Variants in TXNRD2 observed in about 807,000 individuals in gnomAD.
TXNRD2 encodes the protein thioredoxin reductase 2, mitochondrial.
In TXNRD2, 67 loss-of-function variants were observed where a neutral mutation model predicts 70.8. The observed-to-expected ratio is 0.95, with a 90% CI of 0.78 to 1.16. The LOEUF is 1.16. TXNRD2 is among the 50% of genes most tolerant of loss of function. The probability of loss-of-function intolerance (pLI) is 0.00; values close to 1 mark genes in which losing one functional copy is unlikely to be tolerated. For synonymous variants in TXNRD2, 301 were observed against 295.8 expected, an observed-to-expected ratio of 1.02 and a Z score of -0.18; for missense variants, 644 against 719.9, an observed-to-expected ratio of 0.89 and a Z score of 1.21.
chr22:19,892,075 C>A (rs79062175), intron 11 of TXNRD2, among the ~76,000 whole-genome samples: 4 of 152,232 alleles, frequency 2.6e-5, no homozygotes, highest in African/African-American at 2.4e-5. Flanking sequence ...AGGCATCCCC[C>A]CTTCCTGTCG....
chr22:19,935,228 T>TG (rs1417100615), intron 1 of TXNRD2, among the ~76,000 whole-genome samples: 4 of 152,090 alleles, frequency 2.6e-5, no homozygotes, highest in African/African-American at 9.7e-5. Flanking sequence ...AATGCATTCC[T>TG]GGGGGGAGGT....
At chr22:19,939,075 T>C (rs959522502) in intron 1 of TXNRD2, among the ~76,000 whole-genome samples, 12 of 152,200 alleles carry the variant, frequency 7.9e-5, no homozygotes, top group African/African-American at 2.9e-4. Context: ...GAGGGTATGC[T>C]TGTGTTTTAC....
intron 2 of TXNRD2, among the ~76,000 whole-genome samples, chr22:19,920,789 G>GT (rs1394005249): frequency 6.6e-6 from 1 of 152,182 alleles, no homozygotes; most frequent in Admixed American, 6.5e-5. Flanking sequence ...ACAAAGTTTT[G>GT]TAAGAGTTCA....
intron 4 of TXNRD2, among the ~76,000 whole-genome samples, 191 bp from the exon 5 acceptor site, chr22:19,918,408 T>C (rs1569101623): frequency 1.3e-5 from 2 of 152,212 alleles, no homozygotes; most frequent in African/African-American, 2.4e-5. Flanking sequence ...TGCAGACCTT[T>C]GGACTCACAG....
At position 19,878,215 on chromosome 22, in the gene TXNRD2, C is replaced by T. The variant is rs545608607; in HGVS notation, c.1348-28G>A. ...GAAAGCCGCACATCTCAGCCACCAG[C>T]CCAGGAGGGGGCTGGGTTGCGTCCA... On this transcript the variant is annotated intron_variant, in intron 15 of 17. Coordinates refer to ENST00000400521, the MANE Select transcript of TXNRD2 (RefSeq NM_006440.5). 7 of 1,609,782 alleles carry T rather than the reference C, an allele frequency of 4.3e-6. No individual in the cohort carries two copies. In the Admixed American group the frequency reaches 6.7e-5, roughly 15 times the overall value.
At position 19,915,245 on chromosome 22, in the gene TXNRD2, G is replaced by A. The variant is rs529965782; in HGVS notation, c.560C>T (p.Ala187Val). ...GGGGTATCTCGGCCGCCCTCCAGTA[G>A]CAATGATGATGTGATCGGCTGACAG... ...ILLSADHIII[A>V]TGGRPRYPTH... Residue 187 changes from alanine to valine, a missense_variant, in exon 7 of 18, where the codon GCT becomes GTT. By Grantham distance (64) the Ala-to-Val change is moderately conservative. This residue lies in a region of TXNRD2 where 566 missense variants were observed against 645.0 expected (regional missense o/e 0.88). Coordinates refer to ENST00000400521, the MANE Select transcript of TXNRD2 (RefSeq NM_006440.5). 8.1e-6 allele frequency: 13 copies of A among 1,613,972 alleles called. No homozygotes were observed. In the South Asian group the frequency reaches 1.4e-4, roughly 18 times the overall value.
At chr22:19,911,235 C>A in intron 8 of TXNRD2, 142 bp downstream of exon 8, 1 of 740,100 alleles carries the variant, frequency 1.4e-6, no homozygotes, top group Non-Finnish European at 2.4e-6. Context: ...CACACCTGGC[C>A]ACAAATAACA....
intron 11 of TXNRD2, among the ~76,000 whole-genome samples, chr22:19,890,580 G>A (rs1016936566): frequency 2.0e-5 from 3 of 151,868 alleles, no homozygotes; most frequent in Admixed American, 6.6e-5. Flanking sequence ...CCCCTCGCCC[G>A]GGCAGCATCC....
intron 2 of TXNRD2, among the ~76,000 whole-genome samples, chr22:19,924,730 C>T (rs1000944460): frequency 4.6e-5 from 7 of 151,992 alleles, no homozygotes; most frequent in Admixed American, 6.6e-5. Context: ...CAAAATGAAA[C>T]GCAGAGTAAG....
intron 11 of TXNRD2, among the ~76,000 whole-genome samples, chr22:19,888,673 G>A (rs1844997225): frequency 6.6e-6 from 1 of 152,146 alleles, no homozygotes; most frequent in Admixed American, 6.5e-5. Flanking sequence ...GCCGGTGGGC[G>A]ATGCGAGGCG....
chr22:19,924,538 C>T (rs955077868), intron 2 of TXNRD2, among the ~76,000 whole-genome samples: 6 of 152,146 alleles, frequency 3.9e-5, no homozygotes, highest in African/African-American at 9.7e-5. Context: ...CCCCACTAGC[C>T]ATTCTGCATG....
chr22:19,909,205 CAAAAAAA>C (rs199938429), intron 8 of TXNRD2, among the ~76,000 whole-genome samples: 1 of 73,736 alleles, frequency 1.4e-5, no homozygotes, highest in Non-Finnish European at 3.1e-5. Flanking sequence ...GACTCTGTTT[CAAAAAAA>C]AAAAAAAAAA....
chr22:19,911,181 C>T (rs1319301468), intron 8 of TXNRD2, 196 bp downstream of exon 8: 1 of 687,194 alleles, frequency 1.5e-6, no homozygotes, highest in Admixed American at 2.0e-5. Flanking sequence ...AAGCAATCCT[C>T]CCGCTCAGTC....
chr22:19,927,802 C>A (rs1268015849), intron 2 of TXNRD2, among the ~76,000 whole-genome samples: 2 of 152,028 alleles, frequency 1.3e-5, no homozygotes, highest in African/African-American at 4.8e-5. Flanking sequence ...CCAGTATGCA[C>A]AAATTTCAGT....
At chr22:19,922,661 C>G (rs1319286508) in intron 2 of TXNRD2, among the ~76,000 whole-genome samples, 1 of 152,090 alleles carries the variant, frequency 6.6e-6, no homozygotes, top group Non-Finnish European at 1.5e-5. Flanking sequence ...CTTTTCACAG[C>G]TACAGACTTT....
chr22:19,935,207 C>G (rs1941498404), intron 1 of TXNRD2, among the ~76,000 whole-genome samples: 2 of 152,028 alleles, frequency 1.3e-5, no homozygotes, highest in African/African-American at 4.8e-5. Flanking sequence ...CTATTAAGAC[C>G]CTGGAAAAGG....
At chr22:19,932,587 C>A (rs1163858365) in intron 1 of TXNRD2, 16 of 1,446,556 alleles carry the variant, frequency 1.1e-5, no homozygotes, top group Non-Finnish European at 1.5e-5. Context: ...CAACTCCCTG[C>A]TGAAGGAAGG....
chr22:19,885,814 C>T (rs1186394467), intron 11 of TXNRD2, among the ~76,000 whole-genome samples: 1 of 152,270 alleles, frequency 6.6e-6, no homozygotes, highest in Non-Finnish European at 1.5e-5. Context: ...CTCATGGTAA[C>T]TATGGCACTA....
At chr22:19,911,993 AG>A (rs1380279130) in intron 7 of TXNRD2, among the ~76,000 whole-genome samples, 1 of 152,120 alleles carries the variant, frequency 6.6e-6, no homozygotes, top group Non-Finnish European at 1.5e-5. Context: ...GAGGAGGCAC[AG>A]GGGGTAAGTG....
Sources: gnomAD v4.1 joint callset for allele counts (sites outside exome capture counted in the v4.1 genomes callset) on GRCh38, gnomAD v4.1.1 for gene constraint, gnomAD v4.1.1 regional missense constraint, MANE v1.5 for transcripts, NCBI Gene and HGNC (gene_info 2026-07-23, HGNC 2026-07-21) for gene names.